The following MRPS35 variants were observed in gnomAD, a reference collection of about 807,000 sequenced individuals.
The protein encoded by MRPS35 is mitochondrial ribosomal protein S35, also known as small ribosomal subunit protein mS35.
In MRPS35, 29 loss-of-function variants were observed where a neutral mutation model predicts 32.7. The observed-to-expected ratio is 0.89, with a 90% CI of 0.66 to 1.21. The LOEUF is 1.21. Among genes scored for constraint, MRPS35 ranks in the 50% most tolerant of loss-of-function variants. MRPS35 has a pLI of 0.00. For synonymous variants in MRPS35, 148 were observed against 139.3 expected (o/e 1.06, Z -0.44); for missense variants, 373 against 383.8 (o/e 0.97, Z 0.23).
intron 7 of MRPS35, among the ~76,000 whole-genome samples, chr12:27,738,035 G>C (rs573244945): frequency 4.1e-4 from 63 of 152,240 alleles, no homozygotes; most frequent in African/African-American, 1.5e-3. Context: ...ATAACATTTT[G>C]TGTGAACATT....
At chr12:27,723,994 C>A (rs1371868031) in intron 4 of MRPS35, 53 bp from the exon 5 acceptor site, 1 of 1,578,088 alleles carries the variant, frequency 6.3e-7, no homozygotes, top group South Asian at 1.2e-5. Flanking sequence ...GTATGCATTA[C>A]AATGAGAATT....
chr12:27,753,154 G>A (rs1157477621), intron 7 of MRPS35, among the ~76,000 whole-genome samples: 1 of 152,064 alleles, frequency 6.6e-6, no homozygotes, highest in African/African-American at 2.4e-5. Context: ...ATTTATTACA[G>A]GGAGGTGGGG....
chr12:27,753,333 C>G (rs968669241), intron 7 of MRPS35, among the ~76,000 whole-genome samples: 1 of 152,146 alleles, frequency 6.6e-6, no homozygotes, highest in Non-Finnish European at 1.5e-5. Flanking sequence ...CCTCGGTGAT[C>G]TGAGCAGGGT....
At chr12:27,751,373 G>A (rs1202341195) in intron 7 of MRPS35, among the ~76,000 whole-genome samples, 2 of 152,186 alleles carry the variant, frequency 1.3e-5, no homozygotes, top group African/African-American at 4.8e-5. Flanking sequence ...CCATGCTGAA[G>A]TCCGAGGGGC....
At chr12:27,743,428 T>C (rs970178863) in intron 7 of MRPS35, among the ~76,000 whole-genome samples, 1 of 151,958 alleles carries the variant, frequency 6.6e-6, no homozygotes, top group Non-Finnish European at 1.5e-5. Context: ...CTTGGGAGGC[T>C]GAGGCAGGAG....
rs572641759 is a variant in MRPS35 at position 27,749,666 on chromosome 12, C to T, written c.703-5515C>T. On this transcript the variant is annotated intron_variant, in intron 7 of 7. Transcript: ENST00000081029. Reference sequence around the variant, plus strand: ...GAACCCCTTACTCCCAATGCTTCGCCTCAAATCCTTGGCATAGGTACATAG... The same window carrying T: ...GAACCCCTTACTCCCAATGCTTCGCTTCAAATCCTTGGCATAGGTACATAG... Among the ~76,000 whole-genome samples, 164 of 152,248 alleles carry T rather than the reference C, an allele frequency of 1.1e-3. 1 individual carries two copies. The highest frequency in any genetic ancestry group is 3.6e-3 in the African/African-American group (150 of 41,540).
chr12:27,751,619 T>A (rs2062004081), intron 7 of MRPS35, among the ~76,000 whole-genome samples: 1 of 152,142 alleles, frequency 6.6e-6, no homozygotes, highest in Non-Finnish European at 1.5e-5. Flanking sequence ...CTTAACCCTT[T>A]ATCTGGGCAT....
At chr12:27,713,257 T>C (rs2061835414) in intron 1 of MRPS35, among the ~76,000 whole-genome samples, 1 of 152,142 alleles carries the variant, frequency 6.6e-6, no homozygotes, top group Non-Finnish European at 1.5e-5. Context: ...CTCAGGGAGA[T>C]TTTCCCCAAC....
At chr12:27,721,145 T>C (rs2061872685) in intron 4 of MRPS35, among the ~76,000 whole-genome samples, 1 of 152,176 alleles carries the variant, frequency 6.6e-6, no homozygotes, top group Non-Finnish European at 1.5e-5. Flanking sequence ...AAATTTGAGC[T>C]TTTGAAAGGG....
intron 7 of MRPS35, among the ~76,000 whole-genome samples, chr12:27,743,921 G>A (rs2061972786): frequency 6.6e-6 from 1 of 152,182 alleles, no homozygotes; most frequent in African/African-American, 2.4e-5. Context: ...CATATTAAGG[G>A]TTGGGATTCC....
intron 7 of MRPS35, among the ~76,000 whole-genome samples, chr12:27,751,102 C>CAAAAAAAAAAA (rs71438703): frequency 7.9e-5 from 3 of 38,120 alleles, no homozygotes; most frequent in Non-Finnish European, 1.3e-4. Context: ...GACTCCATCT[C>CAAAAAAAAAAA]AAAAAAAAAA....
At position 27,735,514 on chromosome 12, in the gene MRPS35, G is replaced by A. The variant is rs555006072; in HGVS notation, c.590G>A (p.Arg197Gln). ...AAATTAATTAAACTTGTAGGAGAGC[G>A]ATACTGCAAGACCACAGATGTGCTT... Reference protein sequence around the residue: ...KKKLIKLVGERYCKTTDVLTI... With the variant: ...KKKLIKLVGEQYCKTTDVLTI... Residue 197 changes from arginine to glutamine, a missense_variant, in exon 6 of 8, where the codon CGA becomes CAA. Coordinates refer to ENST00000081029, the MANE Select transcript of MRPS35 (RefSeq NM_021821.4). The A allele has an allele frequency of 5.6e-6, 9 of 1,612,214 alleles. No individual in the cohort carries two copies. The East Asian group carries it at 6.7e-5, about 12-fold the overall frequency.
chr12:27,716,273 C>T lies in MRPS35; in HGVS notation c.154-18C>T, dbSNP rs775111806. The T allele has an allele frequency of 4.0e-6, 6 of 1,517,834 alleles. No individual in the cohort carries two copies. Among genetic ancestry groups the T allele is most frequent in the Non-Finnish European group, 3.5e-6 (4 of 1,134,760 alleles). The allele number at this position is 1,517,834 out of a possible 1,614,324, so 94.0% of individuals were successfully genotyped here. ...ATGTGTTTATATTTAAAATACTAAA[C>T]GATTTTATATTTCTTAGGCACTACC... On this transcript the variant is annotated intron_variant, in intron 2 of 7. Coordinates refer to ENST00000081029, the MANE Select transcript of MRPS35 (RefSeq NM_021821.4).
At chr12:27,734,244 T>TC (rs2061933783) in intron 5 of MRPS35, among the ~76,000 whole-genome samples, 1 of 122,416 alleles carries the variant, frequency 8.2e-6, no homozygotes, top group Non-Finnish European at 1.5e-5. Flanking sequence ...CCTATCTTCT[T>TC]TTTTTTTTTT....
intron 2 of MRPS35, among the ~76,000 whole-genome samples, chr12:27,715,138 T>A (rs889580574): frequency 6.6e-5 from 10 of 152,116 alleles, no homozygotes; most frequent in Non-Finnish European, 1.3e-4. Context: ...GTTTATTTAT[T>A]TATTATTATT....
chr12:27,738,496 A>G (rs933790040), intron 7 of MRPS35, among the ~76,000 whole-genome samples: 1 of 152,218 alleles, frequency 6.6e-6, no homozygotes, highest in Admixed American at 6.5e-5. Flanking sequence ...AAGTATGTAC[A>G]TTTATAAGGA....
intron 1 of MRPS35, among the ~76,000 whole-genome samples, chr12:27,712,083 C>T (rs1397814045): frequency 1.3e-5 from 2 of 151,512 alleles, no homozygotes; most frequent in Admixed American, 6.6e-5. Context: ...GAGTAGTGGC[C>T]ACAGGATGGT....
chr12:27,719,275 C>A (rs948345839), intron 3 of MRPS35, among the ~76,000 whole-genome samples: 1 of 152,102 alleles, frequency 6.6e-6, no homozygotes, highest in African/African-American at 2.4e-5. Flanking sequence ...GATCTGAAGA[C>A]AAATCCAGGT....
Position 27,755,191 on chromosome 12 carries a change from A to T in MRPS35, c.713A>T (p.Glu238Val). The change falls in exon 8 of 8, where the codon GAA (glutamate) becomes GTA (valine). Residue 238 changes from glutamate (E) to valine (V), a missense_variant. Transcript: ENST00000081029. ...VLYHESWNTEEWEKSKTEADM... is the reference protein window; with the variant it reads ...VLYHESWNTEVWEKSKTEADM... ...TTTGTTTTGTTTCAGAATACTGAAG[A>T]ATGGGAAAAAAGTAAGACTGAAGCA... 1 of 1,546,166 alleles carries T rather than the reference A, an allele frequency of 6.5e-7. No homozygotes were observed. The highest frequency in any genetic ancestry group is 1.7e-4 in the Middle Eastern group (1 of 5,736).
Sources: allele counts gnomAD v4.1 joint callset (sites outside exome capture counted in the v4.1 genomes callset), GRCh38; gene constraint gnomAD v4.1.1; transcripts MANE v1.5; gene names NCBI Gene and HGNC (gene_info 2026-07-23, HGNC 2026-07-21).